The following VPS16 variants were observed in gnomAD, a reference collection of about 807,000 sequenced individuals.
VPS16 encodes VPS16 core subunit of CORVET and HOPS complexes, also known as vacuolar protein sorting-associated protein 16 homolog.
A neutral mutation model predicts 116.0 loss-of-function variants in VPS16; 82 were observed. That is an observed-to-expected ratio of 0.71 (90% CI 0.59 to 0.85). VPS16 has a LOEUF of 0.85. VPS16 is among the 40% of genes least tolerant of loss of function. The probability of loss-of-function intolerance (pLI) is 0.00; values close to 1 mark genes in which losing one functional copy is unlikely to be tolerated. For missense variants in VPS16, 928 were observed against 1,090.6 expected, an observed-to-expected ratio of 0.85 and a Z score of 2.10; for synonymous variants, 406 against 420.7, an observed-to-expected ratio of 0.96 and a Z score of 0.43.
chr20:2,842,622 ATC>A, intron 1 of VPS16, among the ~76,000 whole-genome samples: 3 of 148,014 alleles, frequency 2.0e-5, no homozygotes, highest in African/African-American at 5.0e-5. Context: ...AGATATATCT[ATC>A]TATATCTATC....
chr20:2,862,474 G>T (rs1459301348), intron 11 of VPS16, 105 bp from the exon 12 acceptor site: 52 of 1,528,054 alleles, frequency 3.4e-5, no homozygotes, highest in Admixed American at 1.0e-4. Flanking sequence ...AGCCTGTGCA[G>T]CTCCTCCAAC....
At chr20:2,846,222 T>C (rs1161784058) in intron 1 of VPS16, among the ~76,000 whole-genome samples, 1 of 151,546 alleles carries the variant, frequency 6.6e-6, no homozygotes, top group Admixed American at 6.6e-5. Flanking sequence ...GTTCAAGTGA[T>C]TCTCCTGCCT....
In VPS16 at chr20:2,864,087, T is replaced by C. The variant is rs577207581; in HGVS notation, c.1611+4T>C. The C allele has an allele frequency of 6.2e-7, 1 of 1,613,770 alleles. No homozygotes were observed. Among genetic ancestry groups the C allele is most frequent in the African/African-American group, 1.3e-5 (1 of 75,024 alleles). ...CCGCACGGAGCTGGCCATCAAGGTGTGGGTGCCCAGCCCTCCACAGACACT... is the reference window on the plus strand; with the variant it reads ...CCGCACGGAGCTGGCCATCAAGGTGCGGGTGCCCAGCCCTCCACAGACACT... On this transcript the variant is annotated splice_donor_region_variant and intron_variant, in intron 16 of 23. Coordinates refer to ENST00000380445, the MANE Select transcript of VPS16 (RefSeq NM_022575.4). This position sits in a 1 kb window ranked among gnomAD's most constrained non-coding sequence, Gnocchi z 5.2.
chr20:2,845,916 A>G (rs1021247627), intron 1 of VPS16, among the ~76,000 whole-genome samples: 1 of 152,144 alleles, frequency 6.6e-6, no homozygotes, highest in African/African-American at 2.4e-5. Context: ...TTCAAGATTT[A>G]TCCATGTTAT....
chr20:2,850,806 AAAAAAAAAC>A (rs1412307128), intron 1 of VPS16, among the ~76,000 whole-genome samples: 1 of 149,684 alleles, frequency 6.7e-6, no homozygotes, highest in Admixed American at 6.7e-5. Flanking sequence ...CATCTCTACA[AAAAAAAAAC>A]AAAAAAAACA....
Position 2,861,629 on chromosome 20 carries a change from G to T in VPS16, c.824G>T (p.Arg275Leu), listed in dbSNP as rs201488911. 3.1e-6 allele frequency: 5 copies of T among 1,611,948 alleles called. No individual in the cohort carries two copies. The highest frequency in any genetic ancestry group is 3.4e-6 in the Non-Finnish European group (4 of 1,179,490). The part of the protein sequence containing the change: ...PKQMVWCSRP[R>L]SKERAVVVAW... ...GCTGCTCACAGGTGCAGCCGTCCTCGTAGCAAGGAGAGGGCCGTGGTGGTG... is the reference window on the plus strand; with the variant it reads ...GCTGCTCACAGGTGCAGCCGTCCTCTTAGCAAGGAGAGGGCCGTGGTGGTG... Residue 275 changes from arginine to leucine, a missense_variant, in exon 9 of 24, where the codon CGT (arginine) becomes CTT (leucine). By Grantham distance (102) the Arg-to-Leu change is moderately radical. Transcript: ENST00000380445.
chr20:2,842,188 G>C (rs73586020), intron 1 of VPS16, among the ~76,000 whole-genome samples: 6,849 of 152,216 alleles, frequency 0.045, 507 homozygotes, highest in African/African-American at 0.16. Flanking sequence ...TATAGTCCCA[G>C]GTACTGGAGA....
Position 2,865,951 on chromosome 20 carries a change from G to T in VPS16, c.2272-261G>T. 1.9e-6 allele frequency: 1 copy of T among 530,378 alleles called. No individual in the cohort carries two copies. Among genetic ancestry groups the T allele is most frequent in the Non-Finnish European group, 3.4e-6 (1 of 294,378 alleles). 32.9% of individuals were successfully genotyped at this position (530,378 alleles called of 1,614,324 possible). ...TGGTGGCAGGAACGCCTGTTGCAAG[G>T]GGTAATGGTGGGTGGTAGAGCAGAA... On this transcript the variant is annotated intron_variant, in intron 22 of 23. Transcript: ENST00000380445. The surrounding 1 kb of genome is among the most constrained non-coding windows in gnomAD (Gnocchi z 5.2).
At chr20:2,845,812 T>A (rs2089053792) in intron 1 of VPS16, among the ~76,000 whole-genome samples, 2 of 152,338 alleles carry the variant, frequency 1.3e-5, no homozygotes, top group South Asian at 4.1e-4. Flanking sequence ...TTCTGTTTTC[T>A]GTCTCAGAAT....
At chr20:2,861,152 T>C in intron 7 of VPS16, 60 bp downstream of exon 7, 1 of 1,614,148 alleles carries the variant, frequency 6.2e-7, no homozygotes, top group South Asian at 1.1e-5. Flanking sequence ...GATCTTTTGG[T>C]GATGCGGGAG....
chr20:2,849,111 C>G (rs2099002301), intron 1 of VPS16, among the ~76,000 whole-genome samples: 1 of 152,122 alleles, frequency 6.6e-6, no homozygotes. Context: ...TCAAGATTGT[C>G]AGTTTCATGT....
rs1343857232 is a variant in VPS16, at chr20:2,840,785, A to G, written c.11A>G (p.Tyr4Cys). The G allele has an allele frequency of 6.5e-7, 1 of 1,548,356 alleles. No homozygotes were observed. Among genetic ancestry groups the G allele is most frequent in the African/African-American group, 1.4e-5 (1 of 72,954 alleles). ...CCGTCTGCACCAGCCATGGACTGCT[A>G]CACGGCGAACTGGAACCCACTCGGG... MDCYTANWNPLGDS... is the reference protein window; with the variant it reads MDCCTANWNPLGDS... Residue 4 changes from tyrosine to cysteine, a missense_variant, in exon 1 of 24, where the codon TAC (tyrosine) becomes TGC (cysteine). Physicochemically the swap from Tyr to Cys is radical, Grantham distance 194 (BLOSUM62 -2). Coordinates refer to ENST00000380445, the MANE Select transcript of VPS16 (RefSeq NM_022575.4).
At position 2,859,715 on chromosome 20, in the gene VPS16, G is replaced by A. The variant is rs751060991; in HGVS notation, c.54-4G>A. On this transcript the variant is annotated splice_region_variant and splice_polypyrimidine_tract_variant and intron_variant, in intron 1 of 23. Transcript: ENST00000380445. ...CTAATTTCTGCTCATCTCTGTGTGGGCAGGAAATATGAGCTGTACAGCATG... is the reference window on the plus strand; with the variant it reads ...CTAATTTCTGCTCATCTCTGTGTGGACAGGAAATATGAGCTGTACAGCATG... 35 of 1,613,316 alleles carry A rather than the reference G, an allele frequency of 2.2e-5. No homozygotes were observed. The highest frequency in any genetic ancestry group is 5.0e-5 in the Admixed American group (3 of 59,784).
Position 2,866,611 on chromosome 20 carries a change from C to A in VPS16, c.*37C>A. ...TGTACATCTCAAGCAAGGGGTTCCT[C>A]CCCTAGCACCTGGGCTTGGCAGAAG... is the stretch of plus-strand genomic sequence containing the variant. On this transcript the variant is annotated 3_prime_UTR_variant, in exon 24 of 24. Transcript: ENST00000380445. 2 of 1,609,784 alleles carry A rather than the reference C, an allele frequency of 1.2e-6. No individual in the cohort carries two copies. Among genetic ancestry groups the A allele is most frequent in the Non-Finnish European group, 1.7e-6 (2 of 1,177,840 alleles).
intron 1 of VPS16, among the ~76,000 whole-genome samples, chr20:2,842,692 C>CCGGATG (rs2088998280): frequency 8.4e-6 from 1 of 118,510 alleles, no homozygotes; most frequent in African/African-American, 3.5e-5. Context: ...ATAGATACAT[C>CCGGATG]TAGATGTATC....
At position 2,866,244 on chromosome 20, in the gene VPS16, C is replaced by T. The variant is rs550469019; in HGVS notation, c.2304C>T (p.Asn768=). Residue 768 remains asparagine, a synonymous_variant, in exon 23 of 24, where the codon AAC becomes AAT. Transcript: ENST00000380445. ...TGGAGATCTGCATGAAACAACATAA[C>T]AAATACGAAGCCAAGAAGTATGCTT... is the stretch of plus-strand genomic sequence containing the variant. ...PFVEICMKQH[N]KYEAKKYASR... 6.2e-7 allele frequency: 1 copy of T among 1,613,894 alleles called. No individual in the cohort carries two copies. The highest frequency in any genetic ancestry group is 8.5e-7 in the Non-Finnish European group (1 of 1,180,016).
rs1230566047 is a variant in VPS16, at chr20:2,860,403, GTTTATGACCCTGTGGCTCCCTTAACC to G, written c.369+37_370-20del. The stretch of plus-strand genomic sequence containing the variant: ...CAGAGGGCTGGGGACGCGGGGTAGA[GTTTATGACCCTGTGGCTCCCTTAACC>G]CATGGCCCCCTTTCCTCAGGAAGTG... On this transcript the variant is annotated intron_variant, in intron 4 of 23. Coordinates refer to ENST00000380445, the MANE Select transcript of VPS16 (RefSeq NM_022575.4). This position sits in a 1 kb window ranked among gnomAD's most constrained non-coding sequence, Gnocchi z 6.1. 6.2e-7 allele frequency: 1 copy of G among 1,614,116 alleles called. No individual in the cohort carries two copies.
At chr20:2,858,992 C>G (rs2089200537) in intron 1 of VPS16, among the ~76,000 whole-genome samples, 1 of 152,118 alleles carries the variant, frequency 6.6e-6, no homozygotes, top group African/African-American at 2.4e-5. Flanking sequence ...AAGCCCACAC[C>G]CTGATTCATT....
intron 11 of VPS16, 21 bp from the exon 12 acceptor site, chr20:2,862,558 C>G (rs761072819): frequency 2.5e-6 from 4 of 1,610,434 alleles, no homozygotes; most frequent in Non-Finnish European, 3.4e-6. Context: ...GATGCCCTGG[C>G]TCTGGACTGC....
Sources: allele counts gnomAD v4.1 joint callset (sites outside exome capture counted in the v4.1 genomes callset), GRCh38; gene constraint gnomAD v4.1.1; non-coding constraint Gnocchi (gnomAD v3.1); transcripts MANE v1.5; gene names NCBI Gene and HGNC (gene_info 2026-07-23, HGNC 2026-07-21).